DRC3: variants seen among roughly 807,000 people sequenced by gnomAD.
The protein encoded by DRC3 is dynein regulatory complex subunit 3.
A neutral mutation model predicts 57.6 loss-of-function variants in DRC3; 45 were observed. The ratio of observed to expected loss-of-function variants is 0.78; its 90% CI spans 0.62 to 1.00. DRC3 has a LOEUF of 1.00. Among genes scored for constraint, DRC3 ranks in the 50% least tolerant of loss-of-function variants. The pLI, the probability that DRC3 is intolerant of heterozygous loss-of-function variation, is 0.00. For missense variants in DRC3, 655 were observed against 675.2 expected (o/e 0.97, Z 0.33); for synonymous variants, 257 against 272.3 (o/e 0.94, Z 0.55).
chr17:18,003,100 G>A (rs1022580399), intron 9 of DRC3, among the ~76,000 whole-genome samples: 13 of 152,146 alleles, frequency 8.5e-5, no homozygotes, highest in African/African-American at 3.1e-4. Context: ...GCAGTTCATC[G>A]TGGAGAAGTG....
intron 9 of DRC3, among the ~76,000 whole-genome samples, chr17:18,000,632 T>C (rs1022995135): frequency 7.2e-5 from 11 of 152,134 alleles, no homozygotes; most frequent in Non-Finnish European, 1.6e-4. Context: ...GAACTGTGCA[T>C]TGGTTTTTTT....
intron 9 of DRC3, among the ~76,000 whole-genome samples, chr17:17,998,441 A>G (rs920553909): frequency 6.6e-6 from 1 of 152,326 alleles, no homozygotes; most frequent in East Asian, 1.9e-4. Context: ...CAGGATGCTT[A>G]GCCTGTTGTA....
intron 2 of DRC3, among the ~76,000 whole-genome samples, chr17:17,976,334 T>TC (rs1268805006): frequency 6.6e-6 from 1 of 151,910 alleles, no homozygotes; most frequent in Non-Finnish European, 1.5e-5. Context: ...AATCTACAGA[T>TC]CCCCCCTGTG....
chr17:18,007,043 C>G lies in DRC3; in HGVS notation c.1222C>G (p.Leu408Val). 6.2e-7 allele frequency: 1 copy of G among 1,602,220 alleles called. No individual in the cohort carries two copies. Among genetic ancestry groups the G allele is most frequent in the Non-Finnish European group, 8.5e-7 (1 of 1,173,458 alleles). Residue 408 changes from leucine to valine, a missense_variant, in exon 12 of 14, where the codon CTG (leucine) becomes GTG (valine). By Grantham distance (32) the Leu-to-Val change is conservative. Coordinates refer to ENST00000399187, the MANE Select transcript of DRC3 (RefSeq NM_031294.4). ...CTGCACGATGGCTCAGTGCCGGGAC[C>G]TGGAGAATCACCACCACGAGAAGCT... ...VQSLMAQCRDLENHHHEKLLE... is the reference protein window; with the variant it reads ...VQSLMAQCRDVENHHHEKLLE...
chr17:18,004,310 T>C (rs1350152166), intron 9 of DRC3, 53 bp from the exon 10 acceptor site: 1 of 1,550,078 alleles, frequency 6.5e-7, no homozygotes. Context: ...CCACCTGCCA[T>C]TATCTAATTA....
rs944683015 is a variant in DRC3 at position 17,997,307 on chromosome 17, A to C, written c.825-153A>C. 5 of 671,064 alleles carry C rather than the reference A, an allele frequency of 7.5e-6. No individual in the cohort carries two copies. In the African/African-American group the frequency reaches 7.6e-5, roughly 10 times the overall value. The allele number at this position is 671,064 out of a possible 1,614,324, so 41.6% of individuals were successfully genotyped here. On this transcript the variant is annotated intron_variant, in intron 8 of 13. Transcript: ENST00000399187. ...GGCTCTCTGGGCCTTTGATTTCTTCATCCACCAAATGAACCAAATGAGACC... is the reference window on the plus strand; with the variant it reads ...GGCTCTCTGGGCCTTTGATTTCTTCCTCCACCAAATGAACCAAATGAGACC...
intron 2 of DRC3, among the ~76,000 whole-genome samples, chr17:17,976,832 A>T (rs1045870060): frequency 6.6e-6 from 1 of 152,048 alleles, no homozygotes; most frequent in Non-Finnish European, 1.5e-5. Flanking sequence ...GTCTGTGTCG[A>T]TCTGTCTGTC....
chr17:18,015,986 C>A, intron 12 of DRC3, 78 bp from the exon 13 acceptor site: 1 of 1,526,284 alleles, frequency 6.6e-7, no homozygotes, highest in Non-Finnish European at 8.9e-7. Context: ...CTTCCAAATG[C>A]TCCTTCTCTG....
At position 17,992,817 on chromosome 17, in the gene DRC3, A is replaced by C. The variant is rs774887197; in HGVS notation, c.497A>C (p.Asn166Thr). Residue 166 changes from asparagine to threonine, a missense_variant, in exon 6 of 14, where the codon AAC becomes ACC. Asn to Thr is a moderately conservative substitution (Grantham distance 65). Coordinates refer to ENST00000399187, the MANE Select transcript of DRC3 (RefSeq NM_031294.4). ...KCLRTLSLSR[N>T]PISEAEDYKM... is the part of the protein sequence containing the mutation. ...CTGCGGACGCTCAGCCTCTCTAGGA[A>C]CCCTATCTCTGAGGCAGAGGATTAC... 1.1e-5 allele frequency: 18 copies of C among 1,613,602 alleles called. No individual in the cohort carries two copies. The highest frequency in any genetic ancestry group is 1.7e-5 in the Admixed American group (1 of 59,972).
At chr17:18,006,870 A>G (rs2043971997) in intron 11 of DRC3, 154 bp from the exon 12 acceptor site, 9 of 1,187,294 alleles carry the variant, frequency 7.6e-6, no homozygotes, top group Non-Finnish European at 1.0e-5. Context: ...GAGTCGAGGA[A>G]GGCCCAGGGT....
chr17:17,991,377 G>A (rs1216538847), intron 5 of DRC3, among the ~76,000 whole-genome samples: 6 of 123,110 alleles, frequency 4.9e-5, no homozygotes, highest in South Asian at 2.9e-4. Context: ...TGCAACCTCC[G>A]CCTCTTGGGT....
intron 4 of DRC3, among the ~76,000 whole-genome samples, chr17:17,984,965 T>C (rs1486312737): frequency 1.3e-5 from 2 of 152,196 alleles, no homozygotes; most frequent in Non-Finnish European, 2.9e-5. Flanking sequence ...GATGGAGTCA[T>C]GTGCTACAGG....
intron 1 of DRC3, 92 bp downstream of exon 1, chr17:17,973,066 C>T (rs1428174393): frequency 1.3e-5 from 2 of 152,070 alleles, no homozygotes; most frequent in African/African-American, 2.4e-5. Flanking sequence ...TCGGAGAACG[C>T]CGGCCCGGCC....
At chr17:17,999,646 A>G (rs568762915) in intron 9 of DRC3, among the ~76,000 whole-genome samples, 1 of 152,064 alleles carries the variant, frequency 6.6e-6, no homozygotes, top group African/African-American at 2.4e-5. Flanking sequence ...GCTCAGGCAG[A>G]CTCCTCACTG....
intron 13 of DRC3, 178 bp downstream of exon 13, chr17:18,016,373 G>C (rs902628945): frequency 1.2e-5 from 10 of 836,238 alleles, no homozygotes; most frequent in Admixed American, 2.7e-5. Context: ...AAAACCCATG[G>C]GCTTCATCAT....
intron 12 of DRC3, among the ~76,000 whole-genome samples, chr17:18,013,785 T>A (rs2044253256): frequency 6.6e-6 from 1 of 152,192 alleles, no homozygotes; most frequent in African/African-American, 2.4e-5. Flanking sequence ...AAAAGGAGGA[T>A]ATTGAATGTT....
chr17:17,994,906 GCT>G, intron 7 of DRC3, 91 bp from the exon 8 acceptor site: 1 of 793,496 alleles, frequency 1.3e-6, no homozygotes, highest in Non-Finnish European at 2.2e-6. Flanking sequence ...TCTGGAACAT[GCT>G]CCCTCCTGAC....
chr17:18,016,657 G>A lies in DRC3; in HGVS notation c.1558G>A (p.Asp520Asn), dbSNP rs760010947. Residue 520 changes from aspartate (D) to asparagine (N), a missense_variant, in exon 14 of 14, where the codon GAC (aspartate) becomes AAC (asparagine). Asp to Asn is a conservative substitution (Grantham distance 23). Coordinates refer to ENST00000399187, the MANE Select transcript of DRC3 (RefSeq NM_031294.4). ...QSELDNLECG[D>N]ILD ...CGAACTGGACAACCTGGAATGTGGC[G>A]ACATCCTAGACTAGATGAATGTCAG... The A allele has an allele frequency of 3.7e-6, 6 of 1,608,182 alleles. No individual in the cohort carries two copies. Among genetic ancestry groups the A allele is most frequent in the East Asian group, 2.2e-5 (1 of 44,832 alleles).
At chr17:17,973,339 A>G (rs779193017) in intron 1 of DRC3, among the ~76,000 whole-genome samples, 10 of 152,160 alleles carry the variant, frequency 6.6e-5, no homozygotes, top group Non-Finnish European at 1.0e-4. Flanking sequence ...CCTCATAACT[A>G]TCAAATGATT....
Sources: allele counts gnomAD v4.1 joint callset (sites outside exome capture counted in the v4.1 genomes callset), GRCh38; gene constraint gnomAD v4.1.1; transcripts MANE v1.5; gene names NCBI Gene and HGNC (gene_info 2026-07-23, HGNC 2026-07-21).